Variants in ODAD2 observed in about 807,000 individuals in gnomAD.
The protein encoded by ODAD2 is outer dynein arm docking complex subunit 2, also known as outer dynein arm-docking complex subunit 2.
A neutral mutation model predicts 106.8 loss-of-function variants in ODAD2; 89 were observed. The ratio of observed to expected loss-of-function variants is 0.83; its 90% CI spans 0.70 to 0.99. The LOEUF (loss-of-function observed/expected upper bound fraction) is 0.99, where lower values mean the gene tolerates loss of function less well. ODAD2 is among the 50% of genes least tolerant of loss of function. The pLI is 0.00. For missense variants in ODAD2, 1,168 were observed against 1,238.5 expected (o/e 0.94, Z 0.85); for synonymous variants, 404 against 436.2 (o/e 0.93, Z 0.92).
chr10:27,829,541 GGTT>G (rs1837319272), intron 19 of ODAD2, among the ~76,000 whole-genome samples: 1 of 152,052 alleles, frequency 6.6e-6, no homozygotes, highest in Non-Finnish European at 1.5e-5. Flanking sequence ...TGTCAAATGT[GGTT>G]GTTATTTCTT....
chr10:27,913,419 A>G (rs1844145718), intron 16 of ODAD2, among the ~76,000 whole-genome samples: 1 of 152,144 alleles, frequency 6.6e-6, no homozygotes, highest in East Asian at 1.9e-4. Flanking sequence ...TGCTTAGGAT[A>G]ATGTTCTCCA....
chr10:27,830,151 C>T (rs1437255927), intron 19 of ODAD2, among the ~76,000 whole-genome samples: 3 of 152,110 alleles, frequency 2.0e-5, no homozygotes, highest in Non-Finnish European at 2.9e-5. Flanking sequence ...ACTCTAAAAA[C>T]TGTTCATCTT....
chr10:27,836,199 T>A (rs1452234937), intron 19 of ODAD2: 1 of 152,138 alleles, frequency 6.6e-6, no homozygotes, highest in East Asian at 1.9e-4. Context: ...TGAATACATA[T>A]GCATGTATAT....
chr10:27,815,318 A>C (rs1221659783), intron 19 of ODAD2, among the ~76,000 whole-genome samples: 1 of 152,224 alleles, frequency 6.6e-6, no homozygotes, highest in Non-Finnish European at 1.5e-5. Context: ...CACGTCTTAC[A>C]CATTAAAAAT....
At chr10:27,989,856 A>G (rs1213932123) in intron 2 of ODAD2, among the ~76,000 whole-genome samples, 4 of 152,198 alleles carry the variant, frequency 2.6e-5, no homozygotes, top group Non-Finnish European at 4.4e-5. Flanking sequence ...CTCAAAAAAT[A>G]AAATAAAAAT....
chr10:27,877,015 A>G (rs144794309), intron 17 of ODAD2, among the ~76,000 whole-genome samples: 29 of 152,302 alleles, frequency 1.9e-4, no homozygotes, highest in Admixed American at 1.5e-3. Flanking sequence ...CCCTTGGGAT[A>G]TAGGCTCATG....
At chr10:27,849,902 C>T (rs1839117506) in intron 19 of ODAD2, among the ~76,000 whole-genome samples, 1 of 152,092 alleles carries the variant, frequency 6.6e-6, no homozygotes, top group African/African-American at 2.4e-5. Flanking sequence ...ATTTGTAAAA[C>T]AGAAAAAGTA....
intron 16 of ODAD2, among the ~76,000 whole-genome samples, chr10:27,914,732 AC>A (rs1844245717): frequency 6.6e-6 from 1 of 152,064 alleles, no homozygotes; most frequent in Non-Finnish European, 1.5e-5. Context: ...GTATACACAT[AC>A]TTTATATATG....
intron 16 of ODAD2, among the ~76,000 whole-genome samples, chr10:27,924,764 T>C (rs569001673): frequency 6.0e-5 from 9 of 151,154 alleles, no homozygotes; most frequent in African/African-American, 2.2e-4. Context: ...AATTTGAAAG[T>C]TGAAAGGAAA....
At chr10:27,846,093 T>A (rs187783421) in intron 19 of ODAD2, among the ~76,000 whole-genome samples, 2 of 152,186 alleles carry the variant, frequency 1.3e-5, no homozygotes, top group East Asian at 3.9e-4. Context: ...TCCACAGAAC[T>A]CTCCACCCCA....
chr10:27,964,681 C>G (rs1229653377), intron 9 of ODAD2, among the ~76,000 whole-genome samples: 1 of 152,172 alleles, frequency 6.6e-6, no homozygotes, highest in Non-Finnish European at 1.5e-5. Flanking sequence ...TCAGCAAGAA[C>G]AGAATCAAAT....
Position 27,994,937 on chromosome 10 carries a change from T to A in ODAD2, c.206A>T (p.Glu69Val). The A allele has an allele frequency of 6.2e-7, 1 of 1,614,206 alleles. No homozygotes were observed. The highest frequency in any genetic ancestry group is 8.5e-7 in the Non-Finnish European group (1 of 1,180,032). Residue 69 changes from glutamate (E) to valine (V), a missense_variant, in exon 2 of 20, where the codon GAA becomes GTA. Around this residue, in one of 3 missense-constraint regions of ODAD2, gnomAD observed 430 missense variants for 452.2 expected, o/e 0.95. Coordinates refer to ENST00000305242, the MANE Select transcript of ODAD2 (RefSeq NM_018076.5). ...WNTSLAPSAFESGYVVSETTV... is the reference protein window; with the variant it reads ...WNTSLAPSAFVSGYVVSETTV... ...GGCTTACCTGACAACATAACCTGAT[T>A]CAAATGCTGAGGGCGCCAAACTTGT...
At chr10:27,898,738 G>C (rs1014127850) in intron 17 of ODAD2, among the ~76,000 whole-genome samples, 9 of 151,958 alleles carry the variant, frequency 5.9e-5, no homozygotes, top group Admixed American at 4.6e-4. Flanking sequence ...ACATATTTGT[G>C]ATATGTATTG....
intron 19 of ODAD2, among the ~76,000 whole-genome samples, chr10:27,849,344 T>A (rs1391029313): frequency 1.4e-5 from 2 of 146,848 alleles, no homozygotes; most frequent in African/African-American, 5.2e-5. Context: ...TAGGTGGGAA[T>A]TGAAAAATGA....
At chr10:27,847,772 C>G (rs1034930008) in intron 19 of ODAD2, among the ~76,000 whole-genome samples, 1 of 151,910 alleles carries the variant, frequency 6.6e-6, no homozygotes, top group African/African-American at 2.4e-5. Flanking sequence ...TCTTATACAC[C>G]AATAACAGAC....
At chr10:27,872,228 G>A (rs928614656) in intron 17 of ODAD2, among the ~76,000 whole-genome samples, 3 of 152,064 alleles carry the variant, frequency 2.0e-5, no homozygotes, top group Non-Finnish European at 2.9e-5. Flanking sequence ...CTTTGCTGAA[G>A]TTGCTTCTCA....
chr10:27,830,823 A>G (rs1396045408), intron 19 of ODAD2, among the ~76,000 whole-genome samples: 4 of 152,170 alleles, frequency 2.6e-5, no homozygotes, highest in African/African-American at 9.7e-5. Flanking sequence ...GGGGCACTGA[A>G]ATGGCTTATT....
intron 11 of ODAD2, 26 bp downstream of exon 11, chr10:27,944,790 G>C: frequency 6.2e-7 from 1 of 1,613,670 alleles, no homozygotes; most frequent in Non-Finnish European, 8.5e-7. Context: ...ACAAGACTCC[G>C]CATCCAAGGT....
intron 8 of ODAD2, among the ~76,000 whole-genome samples, chr10:27,970,118 A>C (rs1848745534): frequency 7.2e-6 from 1 of 138,838 alleles, no homozygotes; most frequent in African/African-American, 3.0e-5. Flanking sequence ...ATAAATAAAT[A>C]AATAAATAAA....
Sources: gnomAD v4.1 joint callset for allele counts (sites outside exome capture counted in the v4.1 genomes callset) on GRCh38, gnomAD v4.1.1 for gene constraint, gnomAD v4.1.1 regional missense constraint, MANE v1.5 for transcripts, NCBI Gene and HGNC (gene_info 2026-07-23, HGNC 2026-07-21) for gene names.